HS6ST3: variants seen among roughly 807,000 people sequenced by gnomAD.
HS6ST3 encodes heparan sulfate 6-O-sulfotransferase 3.
HS6ST3 carries 12 observed loss-of-function variants against 36.7 expected under a neutral mutation model. The observed-to-expected ratio is 0.33, with a 90% confidence interval of 0.21 to 0.53. The LOEUF is 0.53. Ranked by LOEUF, HS6ST3 falls within the 20% of genes least tolerant of loss-of-function variation. HS6ST3 has a pLI of 0.95. For synonymous variants in HS6ST3, 240 were observed against 257.5 expected, an observed-to-expected ratio of 0.93 and a Z score of 0.65; for missense variants, 584 against 640.9, an observed-to-expected ratio of 0.91 and a Z score of 0.96.
chr13:96,415,464 C>T (rs2055528441), intron 1 of HS6ST3, among the ~76,000 whole-genome samples: 1 of 152,172 alleles, frequency 6.6e-6, no homozygotes, highest in Non-Finnish European at 1.5e-5. Flanking sequence ...ATAAAGTGCT[C>T]TTTTTTATTT....
chr13:96,776,928 T>G (rs1337940310), intron 1 of HS6ST3, among the ~76,000 whole-genome samples: 1 of 152,188 alleles, frequency 6.6e-6, no homozygotes, highest in Non-Finnish European at 1.5e-5. Flanking sequence ...TGAACATTGA[T>G]GCAAAAATCC....
chr13:96,516,063 C>CTT (rs1298327274), intron 1 of HS6ST3, among the ~76,000 whole-genome samples: 10 of 140,296 alleles, frequency 7.1e-5, no homozygotes, highest in African/African-American at 7.8e-5. Flanking sequence ...ACAGCATTAA[C>CTT]TTTTTTTTTT....
chr13:96,236,045 T>A (rs1232648297), intron 1 of HS6ST3, among the ~76,000 whole-genome samples: 1 of 152,150 alleles, frequency 6.6e-6, no homozygotes, highest in Non-Finnish European at 1.5e-5. Flanking sequence ...AAACCACTGG[T>A]GTAAGTACAA....
chr13:96,792,651 A>G (rs1282515642), intron 1 of HS6ST3, among the ~76,000 whole-genome samples: 3 of 152,036 alleles, frequency 2.0e-5, no homozygotes, highest in Non-Finnish European at 4.4e-5. Context: ...CCTCTGGTCC[A>G]TGTTCACTTT....
chr13:96,586,065 A>G (rs2056359954), intron 1 of HS6ST3, among the ~76,000 whole-genome samples: 1 of 152,082 alleles, frequency 6.6e-6, no homozygotes, highest in South Asian at 2.1e-4. Context: ...CATCCTTGCT[A>G]CTACTTTTGT....
chr13:96,721,440 A>C (rs1170168556), intron 1 of HS6ST3, among the ~76,000 whole-genome samples: 4 of 152,154 alleles, frequency 2.6e-5, no homozygotes, highest in Admixed American at 2.6e-4. Context: ...AATAATACTG[A>C]GAAGTTTATA....
intron 1 of HS6ST3, among the ~76,000 whole-genome samples, chr13:96,783,766 G>A (rs1229120778): frequency 1.3e-5 from 2 of 152,124 alleles, no homozygotes; most frequent in Non-Finnish European, 2.9e-5. Flanking sequence ...AAGATAAGAT[G>A]TGATTCAACA....
chr13:96,382,570 C>T (rs1046203267), intron 1 of HS6ST3, among the ~76,000 whole-genome samples: 1 of 152,050 alleles, frequency 6.6e-6, no homozygotes, highest in Non-Finnish European at 1.5e-5. Flanking sequence ...AATTATGTGT[C>T]AACATAGAAA....
intron 1 of HS6ST3, among the ~76,000 whole-genome samples, chr13:96,327,207 G>T (rs1566325757): frequency 2.0e-5 from 3 of 151,376 alleles, no homozygotes; most frequent in Non-Finnish European, 2.9e-5. Flanking sequence ...GTCAATTCTG[G>T]CTTTTGTTGC....
At chr13:96,097,890 T>C (rs573980759) in intron 1 of HS6ST3, among the ~76,000 whole-genome samples, 1 of 152,232 alleles carries the variant, frequency 6.6e-6, no homozygotes, top group Non-Finnish European at 1.5e-5. Flanking sequence ...CTTGAAAACA[T>C]AGCAGCATAA....
chr13:96,270,337 CT>C (rs1256007557), intron 1 of HS6ST3, among the ~76,000 whole-genome samples: 2 of 151,842 alleles, frequency 1.3e-5, no homozygotes, highest in Non-Finnish European at 2.9e-5. Flanking sequence ...GCCATCCAGT[CT>C]ATGGGATTTT....
chr13:96,091,139 G>A lies in HS6ST3; in HGVS notation c.277G>A (p.Glu93Lys). 2 of 1,501,742 alleles carry A rather than the reference G, an allele frequency of 1.3e-6. No individual in the cohort carries two copies. 93.0% of individuals were successfully genotyped at this position (1,501,742 alleles called of 1,614,324 possible). A position where few individuals can be genotyped will look rare whatever the true frequency, so the allele number is the denominator to read the frequency against. The change falls in exon 1 of 2, where the codon GAG becomes AAG. Residue 93 changes from glutamate to lysine, a missense_variant. Around this residue, in one of 3 missense-constraint regions of HS6ST3, gnomAD observed 217 missense variants for 205.4 expected, o/e 1.06. Coordinates refer to ENST00000376705, the MANE Select transcript of HS6ST3 (RefSeq NM_153456.4). The part of the protein sequence containing the change: ...RGAAAPEEED[E>K]EPGDPREGEE... ...GGCCGCGGCGCCGGAGGAGGAGGAC[G>A]AGGAGCCCGGAGACCCCCGGGAGGG...
chr13:96,408,521 G>T (rs1594773816), intron 1 of HS6ST3, among the ~76,000 whole-genome samples: 1 of 152,292 alleles, frequency 6.6e-6, no homozygotes, highest in African/African-American at 2.4e-5. Context: ...CAGTGTGTTT[G>T]CCAGGAATAC....
chr13:96,704,597 G>A (rs759608470), intron 1 of HS6ST3, among the ~76,000 whole-genome samples: 2 of 152,146 alleles, frequency 1.3e-5, no homozygotes, highest in East Asian at 1.9e-4. Flanking sequence ...CTGAGGCATG[G>A]GCTGAAGAGA....
At chr13:96,311,334 CTG>C (rs1397592216) in intron 1 of HS6ST3, among the ~76,000 whole-genome samples, 1 of 152,150 alleles carries the variant, frequency 6.6e-6, no homozygotes, top group Non-Finnish European at 1.5e-5. Flanking sequence ...ACCTCTGTAA[CTG>C]TGGAATGGCA....
At chr13:96,805,031 CA>C (rs1326173094) in intron 1 of HS6ST3, among the ~76,000 whole-genome samples, 1 of 151,884 alleles carries the variant, frequency 6.6e-6, no homozygotes, top group African/African-American at 2.4e-5. Context: ...GAAAATTGGT[CA>C]AAAAAATAAA....
intron 1 of HS6ST3, among the ~76,000 whole-genome samples, chr13:96,677,982 T>C (rs1484364878): frequency 6.6e-6 from 1 of 152,162 alleles, no homozygotes; most frequent in Non-Finnish European, 1.5e-5. Context: ...AACAGAATAC[T>C]GCAGACTGGG....
chr13:96,770,469 A>G (rs1877237443), intron 1 of HS6ST3, among the ~76,000 whole-genome samples: 1 of 152,202 alleles, frequency 6.6e-6, no homozygotes, highest in Non-Finnish European at 1.5e-5. Flanking sequence ...AGTGATTCTT[A>G]ATTGGATATT....
chr13:96,619,417 G>A (rs1204375023), intron 1 of HS6ST3, among the ~76,000 whole-genome samples: 1 of 152,140 alleles, frequency 6.6e-6, no homozygotes, highest in African/African-American at 2.4e-5. Flanking sequence ...AGTAGTGCTT[G>A]CATTTTTAGT....
Sources: gnomAD v4.1 joint callset for allele counts (sites outside exome capture counted in the v4.1 genomes callset) on GRCh38, gnomAD v4.1.1 for gene constraint, gnomAD v4.1.1 regional missense constraint, MANE v1.5 for transcripts, NCBI Gene and HGNC (gene_info 2026-07-23, HGNC 2026-07-21) for gene names.